Variants in CD163L1 observed in about 807,000 individuals in gnomAD.
CD163L1 encodes the protein scavenger receptor cysteine-rich type 1 protein M160.
In CD163L1, 124 loss-of-function variants were observed where a neutral mutation model predicts 165.4. That is an observed-to-expected ratio of 0.75 (90% CI 0.65 to 0.87). The LOEUF is 0.87. CD163L1 is among the 40% of genes least tolerant of loss of function. The pLI, the probability that CD163L1 is intolerant of heterozygous loss-of-function variation, is 0.00. For missense variants in CD163L1, 1,525 were observed against 1,799.9 expected (o/e 0.85, Z 2.76); for synonymous variants, 585 against 662.2 (o/e 0.88, Z 1.79).
chr12:7,408,884 G>A (rs1396728958), intron 4 of CD163L1, among the ~76,000 whole-genome samples: 3 of 152,206 alleles, frequency 2.0e-5, no homozygotes, highest in Non-Finnish European at 4.4e-5. Flanking sequence ...AGGATAAAAA[G>A]GGAGATAGCC....
At chr12:7,386,014 A>G (rs77530898) in intron 8 of CD163L1, among the ~76,000 whole-genome samples, 22,523 of 152,062 alleles carry the variant, frequency 0.15, 1,980 homozygotes, top group Admixed American at 0.28. Context: ...GCAGAATTAA[A>G]CAAAATAGAG....
chr12:7,376,078 C>A, intron 9 of CD163L1, 64 bp from the exon 10 acceptor site: 1 of 1,432,910 alleles, frequency 7.0e-7, no homozygotes, highest in South Asian at 1.4e-5. Flanking sequence ...TGTCTCCAGT[C>A]TCCATATCTA....
Position 7,375,298 on chromosome 12 carries a change from A to G in CD163L1, c.2984T>C (p.Val995Ala). The G allele has an allele frequency of 6.2e-7, 1 of 1,614,040 alleles. No homozygotes were observed. Among genetic ancestry groups the G allele is most frequent in the Non-Finnish European group, 8.5e-7 (1 of 1,179,988 alleles). The change falls in exon 11 of 20, where the codon GTC becomes GCC. Residue 995 changes from valine to alanine, a missense_variant. Val to Ala is a moderately conservative substitution (Grantham distance 64). Coordinates refer to ENST00000313599, the MANE Select transcript of CD163L1 (RefSeq NM_174941.6). ...TCTCTTACCTGTGCAGATCACAGAG[A>G]CAGTATTTCCATGGATACAGGGAGG... ...GAPPCIHGNTVSVICTGSLTQ... is the reference protein window; with the variant it reads ...GAPPCIHGNTASVICTGSLTQ...
At chr12:7,335,274 G>C in the CD163L1 span, among the ~76,000 whole-genome samples, 5 of 152,240 alleles carry the variant, frequency 3.3e-5, no homozygotes, top group Admixed American at 2.0e-4. Flanking sequence ...AAACAGCATG[G>C]TACTGGTACC....
chr12:7,320,653 G>A, the CD163L1 span: 1 of 1,259,772 alleles, frequency 7.9e-7, no homozygotes. Context: ...AAATAACAGG[G>A]TGTAGATATC....
intron 18 of CD163L1, among the ~76,000 whole-genome samples, chr12:7,362,901 G>C (rs1055009275): frequency 3.9e-4 from 59 of 151,302 alleles, no homozygotes; most frequent in Admixed American, 3.5e-3. Context: ...AGAAAATGTG[G>C]TATATATATG....
In CD163L1 at chr12:7,432,842, A is replaced by T. The variant is rs1354901090; in HGVS notation, c.446-106T>A. ...AGCCCTGTTATGAATGAAGTTACCAAAAATTAAAAAAAAATAACTGAAAAT... is the reference window on the plus strand; with the variant it reads ...AGCCCTGTTATGAATGAAGTTACCATAAATTAAAAAAAAATAACTGAAAAT... On this transcript the variant is annotated intron_variant, in intron 3 of 19. Transcript: ENST00000313599. The surrounding 1 kb of genome is among the most constrained non-coding windows in gnomAD (Gnocchi z 4.2). The T allele has an allele frequency of 2.2e-6, 2 of 916,982 alleles. No homozygotes were observed. 56.8% of individuals were successfully genotyped at this position (916,982 alleles called of 1,614,324 possible). A position where few individuals can be genotyped will look rare whatever the true frequency, so the allele number is the denominator to read the frequency against.
chr12:7,440,276 C>A (rs900883588), intron 2 of CD163L1, among the ~76,000 whole-genome samples: 4 of 151,834 alleles, frequency 2.6e-5, no homozygotes, highest in African/African-American at 9.7e-5. Flanking sequence ...AGCGCCCCTG[C>A]GACGGGGAGG....
the CD163L1 span, among the ~76,000 whole-genome samples, chr12:7,341,671 C>T: frequency 6.6e-6 from 1 of 152,078 alleles, no homozygotes; most frequent in South Asian, 2.1e-4. Context: ...TCTGGAGTCA[C>T]CAAGGAGAGG....
chr12:7,412,980 C>G (rs1194183689), intron 4 of CD163L1, among the ~76,000 whole-genome samples: 1 of 150,994 alleles, frequency 6.6e-6, no homozygotes, highest in Middle Eastern at 3.2e-3. Flanking sequence ...CCTATAATCC[C>G]AGCCACTCGG....
chr12:7,357,230 C>T, intron 19 of CD163L1, 150 bp downstream of exon 19: 3 of 501,666 alleles, frequency 6.0e-6, no homozygotes, highest in East Asian at 3.3e-5. Flanking sequence ...CTCTCTTTTC[C>T]AGAGGTTAAC....
chr12:7,421,990 G>A (rs1266363008), intron 4 of CD163L1, among the ~76,000 whole-genome samples: 2 of 152,072 alleles, frequency 1.3e-5, no homozygotes, highest in South Asian at 2.1e-4. Context: ...CATGACTCCT[G>A]ACTGGGAGAG....
Position 7,432,887 on chromosome 12 carries a change from G to T in CD163L1, c.446-151C>A. The T allele has an allele frequency of 1.6e-6, 1 of 628,982 alleles. No individual in the cohort carries two copies. Among genetic ancestry groups the T allele is most frequent in the Non-Finnish European group, 2.5e-6 (1 of 396,392 alleles). The allele number at this position is 628,982 out of a possible 1,614,324, so 39.0% of individuals were successfully genotyped here. On this transcript the variant is annotated intron_variant, in intron 3 of 19. Coordinates refer to ENST00000313599, the MANE Select transcript of CD163L1 (RefSeq NM_174941.6). This position sits in a 1 kb window ranked among gnomAD's most constrained non-coding sequence, Gnocchi z 4.2. ...GAAAATACTTATAGGAGGGGTATGTGAGGCTTTTTTCTAAACACAAATACA... is the reference window on the plus strand; with the variant it reads ...GAAAATACTTATAGGAGGGGTATGTTAGGCTTTTTTCTAAACACAAATACA...
the CD163L1 span, among the ~76,000 whole-genome samples, chr12:7,327,549 C>T: frequency 2.2e-3 from 338 of 152,242 alleles, 2 homozygotes; most frequent in African/African-American, 7.9e-3. Context: ...TTTCCTGAAA[C>T]CTTCTTCAAA....
chr12:7,437,670 CTT>C (rs199974619), intron 2 of CD163L1, among the ~76,000 whole-genome samples: 44 of 132,756 alleles, frequency 3.3e-4, no homozygotes, highest in Non-Finnish European at 4.2e-4. Context: ...TGAACTCATC[CTT>C]TTTTTTTTTT....
At chr12:7,421,674 TGC>T (rs1396561846) in intron 4 of CD163L1, among the ~76,000 whole-genome samples, 1 of 134,074 alleles carries the variant, frequency 7.5e-6, no homozygotes, top group Non-Finnish European at 1.6e-5. Flanking sequence ...TACATATACG[TGC>T]ATATGTACAT....
the CD163L1 span, among the ~76,000 whole-genome samples, chr12:7,323,078 G>A: frequency 3.3e-5 from 5 of 152,210 alleles, no homozygotes; most frequent in Admixed American, 6.5e-5. Flanking sequence ...ACTGCACACC[G>A]AAGTTTGAGA....
the CD163L1 span, among the ~76,000 whole-genome samples, chr12:7,341,246 T>G: frequency 6.6e-6 from 1 of 152,160 alleles, no homozygotes; most frequent in African/African-American, 2.4e-5. Context: ...CTGTTTGTTA[T>G]GTAAGATAAA....
chr12:7,439,243 T>C, intron 2 of CD163L1: 1 of 1,570,542 alleles, frequency 6.4e-7, no homozygotes, highest in African/African-American at 1.4e-5. Flanking sequence ...TTTTTTTGTT[T>C]TTCTATTTTC....
Sources: allele counts gnomAD v4.1 joint callset (sites outside exome capture counted in the v4.1 genomes callset), GRCh38; gene constraint gnomAD v4.1.1; non-coding constraint Gnocchi (gnomAD v3.1); transcripts MANE v1.5; gene names NCBI Gene and HGNC (gene_info 2026-07-23, HGNC 2026-07-21).